Variants in ADAMTS20 observed in about 807,000 individuals in gnomAD.
ADAMTS20 encodes the protein ADAM metallopeptidase with thrombospondin type 1 motif 20.
ADAMTS20 carries 225 observed loss-of-function variants against 260.1 expected under a neutral mutation model. The observed-to-expected ratio is 0.87, with a 90% CI of 0.78 to 0.97. ADAMTS20 has a LOEUF of 0.97. Ranked by LOEUF, ADAMTS20 falls within the 50% of genes least tolerant of loss-of-function variation. The pLI is 0.00. For missense variants in ADAMTS20, 2,400 were observed against 2,337.7 expected (o/e 1.03, Z -0.55); for synonymous variants, 802 against 769.5 (o/e 1.04, Z -0.70).
At chr12:43,374,620 T>C (rs1208113873) in intron 36 of ADAMTS20, among the ~76,000 whole-genome samples, 18 of 152,190 alleles carry the variant, frequency 1.2e-4, no homozygotes, top group Non-Finnish European at 2.6e-4. Context: ...TCCATATTAC[T>C]TACAACATTG....
At chr12:43,500,104 C>T (rs1280172910) in intron 4 of ADAMTS20, among the ~76,000 whole-genome samples, 2 of 151,546 alleles carry the variant, frequency 1.3e-5, no homozygotes, top group African/African-American at 2.4e-5. Context: ...TCGCGGCTCA[C>T]TGCAACCTCC....
In ADAMTS20 at chr12:43,452,419, A is replaced by G. The variant is rs373459297; in HGVS notation, c.1943-9T>C. Reference sequence around the variant, plus strand: ...ACGATCCTTTGTGCCAACTGTAAAAAAGAAAAAGGTCAAATTTTTAATGTA... The same window carrying G: ...ACGATCCTTTGTGCCAACTGTAAAAGAGAAAAAGGTCAAATTTTTAATGTA... On this transcript the variant is annotated splice_polypyrimidine_tract_variant and intron_variant, in intron 13 of 38. Coordinates refer to ENST00000389420, the MANE Select transcript of ADAMTS20 (RefSeq NM_025003.5). The G allele has an allele frequency of 3.1e-4, 493 of 1,605,710 alleles. 1 individual carries two copies. Among genetic ancestry groups the G allele is most frequent in the Non-Finnish European group, 3.9e-4 (463 of 1,177,730 alleles).
intron 11 of ADAMTS20, among the ~76,000 whole-genome samples, chr12:43,457,016 C>G (rs568382279): frequency 6.6e-6 from 1 of 152,312 alleles, no homozygotes; most frequent in East Asian, 1.9e-4. Flanking sequence ...GCTGAACATA[C>G]TGACATACTG....
intron 2 of ADAMTS20, among the ~76,000 whole-genome samples, chr12:43,545,040 G>A (rs917850926): frequency 6.6e-6 from 1 of 152,148 alleles, no homozygotes; most frequent in Non-Finnish European, 1.5e-5. Flanking sequence ...ATTGCCAAAT[G>A]TCTTCTGGGG....
chr12:43,517,277 A>T (rs1218259717), intron 3 of ADAMTS20, among the ~76,000 whole-genome samples: 1 of 152,114 alleles, frequency 6.6e-6, no homozygotes, highest in Non-Finnish European at 1.5e-5. Flanking sequence ...AACTGTCTAC[A>T]TGATTACCAA....
intron 29 of ADAMTS20, among the ~76,000 whole-genome samples, chr12:43,395,474 T>G (rs554601580): frequency 6.6e-6 from 1 of 152,192 alleles, no homozygotes; most frequent in African/African-American, 2.4e-5. Flanking sequence ...ATACAGTTTC[T>G]TTCTTTTCTT....
intron 14 of ADAMTS20, 98 bp downstream of exon 14, chr12:43,452,176 T>C (rs1941875521): frequency 1.6e-6 from 2 of 1,289,718 alleles, no homozygotes; most frequent in Non-Finnish European, 1.0e-6. Flanking sequence ...TAAGAACATA[T>C]GCTGAAATAG....
In ADAMTS20 at chr12:43,433,681, C is replaced by A. The variant is rs1041184237; in HGVS notation, c.2720+564G>T. The A allele has an allele frequency of 5.5e-4, 182 of 332,090 alleles. 1 individual carries two copies. The highest frequency in any genetic ancestry group is 8.2e-4 in the Non-Finnish European group (142 of 173,880). The allele number at this position is 332,090 out of a possible 1,614,324, so 20.6% of individuals were successfully genotyped here. A position where few individuals can be genotyped will look rare whatever the true frequency, so the allele number is the denominator to read the frequency against. On this transcript the variant is annotated intron_variant, in intron 19 of 38. Transcript: ENST00000389420. ...CCATGTCACTACAAGACCAATCACG[C>A]ACACACACACATGCACACACAAACA...
At chr12:43,427,110 T>C (rs1489423631) in intron 27 of ADAMTS20, among the ~76,000 whole-genome samples, 198 bp downstream of exon 27, 1 of 151,816 alleles carries the variant, frequency 6.6e-6, no homozygotes, top group Admixed American at 6.6e-5. Flanking sequence ...GAGGTGGAGG[T>C]TGCAGTGAGT....
At chr12:43,528,348 CAAAAAAA>C (rs58281767) in intron 3 of ADAMTS20, among the ~76,000 whole-genome samples, 2 of 29,048 alleles carry the variant, frequency 6.9e-5, no homozygotes, top group Admixed American at 1.4e-3. Context: ...CAATCCTAAG[CAAAAAAA>C]AAAAAAAAAA....
At chr12:43,548,977 T>A (rs1943476810) in intron 2 of ADAMTS20, among the ~76,000 whole-genome samples, 1 of 152,052 alleles carries the variant, frequency 6.6e-6, no homozygotes, top group African/African-American at 2.4e-5. Context: ...CTATAGGTGA[T>A]TTTTCCTCTT....
chr12:43,465,759 T>G (rs1039167017), intron 9 of ADAMTS20, among the ~76,000 whole-genome samples: 6 of 152,074 alleles, frequency 3.9e-5, no homozygotes, highest in Non-Finnish European at 8.8e-5. Flanking sequence ...TACAATTCTG[T>G]ACAGATCAGC....
chr12:43,453,625 G>A (rs555680009), intron 12 of ADAMTS20, among the ~76,000 whole-genome samples: 2 of 151,884 alleles, frequency 1.3e-5, no homozygotes, highest in East Asian at 1.9e-4. Context: ...TTATATAACT[G>A]TGATTCATAT....
chr12:43,374,226 A>G (rs1940172399), intron 36 of ADAMTS20, among the ~76,000 whole-genome samples: 2 of 152,022 alleles, frequency 1.3e-5, no homozygotes, highest in Admixed American at 6.6e-5. Flanking sequence ...TCAGTAAATG[A>G]TAGCCATCAT....
At chr12:43,411,914 A>G (rs1941039686) in intron 28 of ADAMTS20, among the ~76,000 whole-genome samples, 1 of 152,232 alleles carries the variant, frequency 6.6e-6, no homozygotes, top group Non-Finnish European at 1.5e-5. Flanking sequence ...TTAATAAAAT[A>G]CAAAGAAATC....
chr12:43,405,258 A>T, intron 28 of ADAMTS20, among the ~76,000 whole-genome samples: 1 of 142,788 alleles, frequency 7.0e-6, no homozygotes, highest in African/African-American at 2.5e-5. Flanking sequence ...AAAAAAAAAA[A>T]AAAATTAGCC....
At chr12:43,541,117 A>G (rs1341923708) in intron 2 of ADAMTS20, among the ~76,000 whole-genome samples, 1 of 152,200 alleles carries the variant, frequency 6.6e-6, no homozygotes, top group Non-Finnish European at 1.5e-5. Flanking sequence ...CAAATCATTT[A>G]TAGTTATCAC....
chr12:43,515,200 C>A (rs1319929108), intron 3 of ADAMTS20, among the ~76,000 whole-genome samples: 2 of 152,172 alleles, frequency 1.3e-5, no homozygotes, highest in Non-Finnish European at 2.9e-5. Flanking sequence ...ACTAAGAATT[C>A]TAAAATACTT....
At chr12:43,432,978 T>C (rs1941478750) in intron 19 of ADAMTS20, among the ~76,000 whole-genome samples, 167 bp from the exon 20 acceptor site, 2 of 152,168 alleles carry the variant, frequency 1.3e-5, no homozygotes, top group Admixed American at 1.3e-4. Context: ...ACTGACCTCA[T>C]GCCAGCACTT....
Sources: allele counts gnomAD v4.1 joint callset (sites outside exome capture counted in the v4.1 genomes callset), GRCh38; gene constraint gnomAD v4.1.1; transcripts MANE v1.5; gene names NCBI Gene and HGNC (gene_info 2026-07-23, HGNC 2026-07-21).